The following FSIP1 variants were observed in gnomAD, a reference collection of about 807,000 sequenced individuals.
The protein encoded by FSIP1 is fibrous sheath-interacting protein 1.
In FSIP1, 65 loss-of-function variants were observed where a neutral mutation model predicts 60.9. The ratio of observed to expected loss-of-function variants is 1.07; its 90% CI spans 0.87 to 1.31. FSIP1 has a LOEUF of 1.31. FSIP1 is among the 40% of genes most tolerant of loss of function. The probability of loss-of-function intolerance (pLI) is 0.00; values close to 1 mark genes in which losing one functional copy is unlikely to be tolerated. For missense variants in FSIP1, 675 were observed against 665.5 expected (o/e 1.01, Z -0.16); for synonymous variants, 209 against 221.2 (o/e 0.94, Z 0.49).
intron 10 of FSIP1, among the ~76,000 whole-genome samples, chr15:39,644,046 T>G (rs1429511760): frequency 6.6e-6 from 1 of 152,220 alleles, no homozygotes; most frequent in Admixed American, 6.5e-5. Context: ...GACAGTAATT[T>G]TCCTTAGCTG....
chr15:39,615,430 A>AAAAAAAAAAAC (rs1555386844), intron 11 of FSIP1, among the ~76,000 whole-genome samples: 1 of 147,780 alleles, frequency 6.8e-6, no homozygotes, highest in African/African-American at 2.5e-5. Context: ...AAAAAAAAAA[A>AAAAAAAAAAAC]ATTAAAAAAT....
intron 8 of FSIP1, among the ~76,000 whole-genome samples, chr15:39,736,197 C>T (rs1284020872): frequency 6.6e-6 from 1 of 152,190 alleles, no homozygotes; most frequent in Admixed American, 6.5e-5. Flanking sequence ...ATGACTATAC[C>T]ATGAACCAGC....
intron 10 of FSIP1, among the ~76,000 whole-genome samples, chr15:39,707,370 T>C (rs1895317357): frequency 6.6e-6 from 1 of 152,100 alleles, no homozygotes; most frequent in Non-Finnish European, 1.5e-5. Context: ...ACTCTGACCA[T>C]ACGGAGAGGT....
intron 5 of FSIP1, among the ~76,000 whole-genome samples, chr15:39,750,906 A>T (rs189437351): frequency 3.7e-4 from 57 of 152,110 alleles, no homozygotes; most frequent in African/African-American, 1.4e-3. Context: ...TTAATATTCA[A>T]AATTTATAAA....
chr15:39,754,082 T>G, intron 5 of FSIP1, among the ~76,000 whole-genome samples: 1 of 152,038 alleles, frequency 6.6e-6, no homozygotes, highest in East Asian at 1.9e-4. Context: ...ATAACTCAAT[T>G]TGTTGAGCAC....
intron 9 of FSIP1, among the ~76,000 whole-genome samples, chr15:39,725,056 C>G (rs1221886880): frequency 6.6e-6 from 1 of 152,068 alleles, no homozygotes; most frequent in African/African-American, 2.4e-5. Flanking sequence ...CATGGTGAAA[C>G]CCCATCTCTA....
chr15:39,598,538 T>C (rs1478495462), downstream of FSIP1: 3 of 152,194 alleles, frequency 2.0e-5, no homozygotes, highest in Admixed American at 1.3e-4. Context: ...CATTCTTGGA[T>C]AGTGAAGCAA....
In FSIP1 at chr15:39,618,228, A is replaced by G. The variant is rs1230480790; in HGVS notation, c.1206T>C (p.Cys402=). The G allele has an allele frequency of 5.0e-6, 8 of 1,606,536 alleles. No homozygotes were observed. The highest frequency in any genetic ancestry group is 3.3e-5 in the Admixed American group (2 of 59,824). The change falls in exon 11 of 12, where the codon TGT becomes TGC. Residue 402 remains cysteine (C), a synonymous_variant. Coordinates refer to ENST00000350221, the MANE Select transcript of FSIP1 (RefSeq NM_152597.5). ...GACACTTTAACTGTTCTTCAGAGAG[A>G]CATGATGTGGACTCTAACTGATGAA... The part of the protein sequence containing the change: ...MKENVLESTS[C]LSEEQLKCLL...
chr15:39,687,157 T>TC (rs1894412627), intron 10 of FSIP1, among the ~76,000 whole-genome samples: 1 of 136,098 alleles, frequency 7.3e-6, no homozygotes, highest in Non-Finnish European at 1.6e-5. Context: ...TTTTTTTTTT[T>TC]TTTTTTTTGA....
intron 10 of FSIP1, among the ~76,000 whole-genome samples, chr15:39,688,023 T>C (rs1173520328): frequency 6.6e-6 from 1 of 152,180 alleles, no homozygotes; most frequent in Admixed American, 6.5e-5. Flanking sequence ...CTAAGGGGCC[T>C]GCCAAGCATC....
intron 10 of FSIP1, among the ~76,000 whole-genome samples, chr15:39,697,797 C>A (rs1894881653): frequency 6.6e-6 from 1 of 152,098 alleles, no homozygotes; most frequent in Non-Finnish European, 1.5e-5. Context: ...TTCAATAAAT[C>A]TTTTATTTCA....
chr15:39,705,722 G>A (rs1188366816), intron 10 of FSIP1, among the ~76,000 whole-genome samples: 2 of 151,896 alleles, frequency 1.3e-5, no homozygotes, highest in African/African-American at 4.8e-5. Context: ...TATTAATCAG[G>A]TGCAGTGGCT....
In FSIP1 at chr15:39,776,440, C is replaced by A. The variant is rs759239988; in HGVS notation, c.85G>T (p.Ala29Ser). ...TCTGTTGAGAGCACCTCCAAAGAAG[C>A]ATTTGAACTTCTGCTCCCAGGGCGT... ...RIRPGSRSSN[A>S]SLEVLSTEPG... Residue 29 changes from alanine (A) to serine (S), a missense_variant, in exon 2 of 12, where the codon GCT becomes TCT. By Grantham distance (99) the Ala-to-Ser change is moderately conservative. Transcript: ENST00000350221. The A allele has an allele frequency of 1.2e-6, 2 of 1,613,422 alleles. No homozygotes were observed. Among genetic ancestry groups the A allele is most frequent in the Non-Finnish European group, 1.7e-6 (2 of 1,179,552 alleles).
At chr15:39,651,522 T>C (rs888852365) in intron 10 of FSIP1, among the ~76,000 whole-genome samples, 7 of 152,250 alleles carry the variant, frequency 4.6e-5, no homozygotes, top group Non-Finnish European at 1.5e-5. Context: ...GTTACTTCTC[T>C]AAGCCTCAGT....
intron 5 of FSIP1, among the ~76,000 whole-genome samples, chr15:39,760,657 C>G (rs940739882): frequency 6.6e-6 from 1 of 152,126 alleles, no homozygotes; most frequent in Admixed American, 6.5e-5. Context: ...GACTGAGGAA[C>G]TATCACAGAT....
At chr15:39,666,141 T>C (rs1168168889) in intron 10 of FSIP1, among the ~76,000 whole-genome samples, 8 of 152,230 alleles carry the variant, frequency 5.3e-5, no homozygotes, top group Non-Finnish European at 1.5e-5. Context: ...TCTGTCATTC[T>C]GTGTTTCCTT....
rs1399589807 is a variant in FSIP1 at position 39,758,564 on chromosome 15, A to G, written c.559+5257T>C. Among the ~76,000 whole-genome samples, 12 of 152,094 alleles carry G rather than the reference A, an allele frequency of 7.9e-5. 1 individual carries two copies. The highest frequency in any genetic ancestry group is 3.9e-4 in the Admixed American group (6 of 15,264). On this transcript the variant is annotated intron_variant, in intron 5 of 11. Coordinates refer to ENST00000350221, the MANE Select transcript of FSIP1 (RefSeq NM_152597.5). The stretch of plus-strand genomic sequence containing the variant: ...TTTCTATGAAGGTATAGAATTACTG[A>G]TAAACATTGAATGAAATATATTAGT...
At chr15:39,742,647 C>A (rs553916877) in intron 5 of FSIP1, among the ~76,000 whole-genome samples, 1 of 152,274 alleles carries the variant, frequency 6.6e-6, no homozygotes, top group South Asian at 2.1e-4. Flanking sequence ...ACAGGATCCA[C>A]CACCTCTCCC....
At chr15:39,682,767 C>T (rs901780863) in intron 10 of FSIP1, among the ~76,000 whole-genome samples, 1 of 152,092 alleles carries the variant, frequency 6.6e-6, no homozygotes, top group Non-Finnish European at 1.5e-5. Flanking sequence ...AACAAGACAC[C>T]CGTATATTTT....
Sources: gnomAD v4.1 joint callset for allele counts (sites outside exome capture counted in the v4.1 genomes callset) on GRCh38, gnomAD v4.1.1 for gene constraint, MANE v1.5 for transcripts, NCBI Gene and HGNC (gene_info 2026-07-23, HGNC 2026-07-21) for gene names.